The following NLGN4Y variants were observed in gnomAD, a reference collection of about 807,000 sequenced individuals.
The protein encoded by NLGN4Y is neuroligin 4 Y-linked.
In NLGN4Y, 4 loss-of-function variants were observed where a neutral mutation model predicts 8.4. The ratio of observed to expected loss-of-function variants is 0.48; its 90% CI spans 0.23 to 1.09. The LOEUF is 1.09. NLGN4Y is among the 50% of genes least tolerant of loss of function. NLGN4Y has a pLI of 0.19. For missense variants in NLGN4Y, 90 were observed against 192.3 expected (o/e 0.47, Z 3.15); for synonymous variants, 35 against 75.6 (o/e 0.46, Z 2.78).
intron 2 of NLGN4Y, among the ~76,000 whole-genome samples, chrY:14,655,812 T>C: frequency 3.0e-5 from 1 of 33,439 alleles, no homozygotes; most frequent in South Asian, 6.7e-4. Context: ...TTGAGGACAG[T>C]AGATATCTTG....
At chrY:14,760,610 T>C in intron 4 of NLGN4Y, among the ~76,000 whole-genome samples, 1 of 34,028 alleles carries the variant, frequency 2.9e-5, no homozygotes, top group Non-Finnish European at 7.3e-5. Flanking sequence ...CACTTTTCTG[T>C]AATCTGTCAT....
At chrY:14,700,291 G>A in intron 2 of NLGN4Y, among the ~76,000 whole-genome samples, 1 of 32,934 alleles carries the variant, frequency 3.0e-5, no homozygotes. Flanking sequence ...AGTGAAATAG[G>A]TCTCTTTCAT....
intron 1 of NLGN4Y, among the ~76,000 whole-genome samples, chrY:14,554,954 A>T: frequency 3.0e-5 from 1 of 33,488 alleles, no homozygotes; most frequent in African/African-American, 1.2e-4. Context: ...TAATATACAT[A>T]TGGGATCCAC....
chrY:14,812,543 G>A (rs2043085203), intron 4 of NLGN4Y, among the ~76,000 whole-genome samples: 1 of 32,978 alleles, frequency 3.0e-5, no homozygotes, highest in Non-Finnish European at 7.4e-5. Context: ...AGGACCTGTC[G>A]ATGAAGGAGG....
chrY:14,672,285 G>A, intron 2 of NLGN4Y, among the ~76,000 whole-genome samples: 2 of 32,060 alleles, frequency 6.2e-5, no homozygotes, highest in African/African-American at 2.5e-4. Flanking sequence ...AGCACTTTGG[G>A]AGGCCGAGGT....
chrY:14,768,741 GA>G (rs2081099193), intron 4 of NLGN4Y, among the ~76,000 whole-genome samples: 5 of 31,813 alleles, frequency 1.6e-4, no homozygotes, highest in African/African-American at 2.4e-4. Flanking sequence ...TAAATTTATA[GA>G]AAAAAAAATT....
rs763591919 is a variant in NLGN4Y at position 14,586,588 on chromosome Y, C to T, written c.-111-35421C>T. On this transcript the variant is annotated intron_variant, in intron 1 of 6. Transcript: ENST00000684976. The stretch of plus-strand genomic sequence containing the variant: ...CTCACACCTGTAATCCCAGCGCTTT[C>T]GGAGGCTGAGGCGGGCAGATCATGA... Among the ~76,000 whole-genome samples, 6 of 32,292 alleles carry T rather than the reference C, an allele frequency of 1.9e-4. No individual in the cohort carries two copies. In the East Asian group the frequency reaches 5.0e-3, roughly 27 times the overall value. 86.6% of individuals were successfully genotyped at this position (32,292 alleles called of 37,273 possible).
chrY:14,760,519 G>A (rs2081076710), intron 4 of NLGN4Y, among the ~76,000 whole-genome samples: 1 of 33,305 alleles, frequency 3.0e-5, no homozygotes, highest in African/African-American at 1.2e-4. Context: ...AATCTATGAT[G>A]TAATTGAAAT....
intron 2 of NLGN4Y, among the ~76,000 whole-genome samples, chrY:14,708,081 A>T (rs2080888402): frequency 2.7e-4 from 9 of 33,393 alleles, no homozygotes; most frequent in Admixed American, 2.5e-3. Flanking sequence ...TCACAATAGC[A>T]TTTTATCAAG....
At chrY:14,819,029 G>T (rs2043112774) in intron 4 of NLGN4Y, among the ~76,000 whole-genome samples, 1 of 33,108 alleles carries the variant, frequency 3.0e-5, no homozygotes, top group Non-Finnish European at 7.4e-5. Flanking sequence ...TTTTCTTAAG[G>T]CCTCTTGTAG....
At chrY:14,801,542 CAAAAA>C (rs746849382) in intron 4 of NLGN4Y, among the ~76,000 whole-genome samples, 1 of 5,174 alleles carries the variant, frequency 1.9e-4, no homozygotes, top group Non-Finnish European at 3.8e-4. Flanking sequence ...TCAGATGAAC[CAAAAA>C]AAAAAAAAAA....
At chrY:14,796,186 C>A (rs2043007388) in intron 4 of NLGN4Y, among the ~76,000 whole-genome samples, 1 of 33,001 alleles carries the variant, frequency 3.0e-5, no homozygotes, top group Non-Finnish European at 7.4e-5. Flanking sequence ...AGGGGTTTTT[C>A]TCTGTTTTTT....
At chrY:14,814,822 A>G (rs2043094552) in intron 4 of NLGN4Y, among the ~76,000 whole-genome samples, 1 of 33,602 alleles carries the variant, frequency 3.0e-5, no homozygotes, top group Non-Finnish European at 7.3e-5. Context: ...TGTCTGAGAA[A>G]TACTTTTAGA....
At chrY:14,791,098 C>A (rs2042984173) in intron 4 of NLGN4Y, among the ~76,000 whole-genome samples, 1 of 33,252 alleles carries the variant, frequency 3.0e-5, no homozygotes, top group Non-Finnish European at 7.4e-5. Context: ...TTTCTGGTTA[C>A]GATTTTCAGT....
intron 1 of NLGN4Y, among the ~76,000 whole-genome samples, chrY:14,568,874 T>C: frequency 3.1e-5 from 1 of 32,627 alleles, no homozygotes; most frequent in Non-Finnish European, 7.5e-5. Context: ...TGGTGCTGTT[T>C]TTCTCAGAGG....
At chrY:14,573,369 C>G (rs2080282315) in intron 1 of NLGN4Y, among the ~76,000 whole-genome samples, 1 of 33,446 alleles carries the variant, frequency 3.0e-5, no homozygotes, top group Admixed American at 2.8e-4. Context: ...TCTAGATTTT[C>G]TAATTTATTT....
At chrY:14,532,877 TTTCC>T (rs2080119381) in intron 1 of NLGN4Y, among the ~76,000 whole-genome samples, 1 of 29,543 alleles carries the variant, frequency 3.4e-5, no homozygotes, top group African/African-American at 1.3e-4. Flanking sequence ...TCCATCCTTC[TTTCC>T]TTCCTTCCTT....
upstream of NLGN4Y, chrY:14,523,921 A>C (rs2080081801): frequency 1.5e-4 from 9 of 60,917 alleles, no homozygotes; most frequent in South Asian, 9.9e-4. Flanking sequence ...TGCTCCTCCA[A>C]ACTCGGGAGC....
intron 2 of NLGN4Y, among the ~76,000 whole-genome samples, chrY:14,622,982 AAGAT>A (rs2080516443): frequency 2.9e-5 from 1 of 33,926 alleles, no homozygotes; most frequent in Non-Finnish European, 7.3e-5. Context: ...TACAAACTGA[AAGAT>A]AGAGAAAATG....
Sources: allele counts gnomAD v4.1 joint callset (sites outside exome capture counted in the v4.1 genomes callset), GRCh38; gene constraint gnomAD v4.1.1; transcripts MANE v1.5; gene names NCBI Gene and HGNC (gene_info 2026-07-23, HGNC 2026-07-21).